The following THSD7B variants were observed in gnomAD, a reference collection of about 807,000 sequenced individuals.
The protein encoded by THSD7B is thrombospondin type 1 domain containing 7B, also known as thrombospondin type-1 domain-containing protein 7B.
Under a neutral mutation model 213.6 loss-of-function variants are expected in THSD7B, and 138 were observed. The ratio of observed to expected loss-of-function variants is 0.65; its 90% CI spans 0.56 to 0.74. The LOEUF is 0.74. THSD7B is among the 30% of genes least tolerant of loss of function. The pLI is 0.00. For synonymous variants in THSD7B, 742 were observed against 687.0 expected (o/e 1.08, Z -1.25); for missense variants, 1,931 against 1,991.5 (o/e 0.97, Z 0.58).
chr2:137,062,421 T>C (rs1687295256), intron 3 of THSD7B, among the ~76,000 whole-genome samples: 1 of 151,712 alleles, frequency 6.6e-6, no homozygotes, highest in African/African-American at 2.4e-5. Flanking sequence ...AGGTGGAAAC[T>C]TAGGTTACTC....
In THSD7B at chr2:136,981,533, C is replaced by A. The variant is rs867157164; in HGVS notation, c.140-74887C>A. Among the ~76,000 whole-genome samples the A allele has an allele frequency of 4.6e-5, 7 of 152,284 alleles. No homozygotes were observed. The South Asian group carries it at 1.5e-3, about 32-fold the overall frequency. ...TATTCTAGCCATCCCTCCCTCTGTGCTCTTTCTCTGAGGTGCTCTTAGACA... is the reference window on the plus strand; with the variant it reads ...TATTCTAGCCATCCCTCCCTCTGTGATCTTTCTCTGAGGTGCTCTTAGACA... On this transcript the variant is annotated intron_variant, in intron 2 of 27. Coordinates refer to ENST00000409968, the MANE Select transcript of THSD7B (RefSeq NM_001316349.2).
chr2:136,999,174 C>T (rs529663704), intron 2 of THSD7B, among the ~76,000 whole-genome samples: 53 of 152,162 alleles, frequency 3.5e-4, no homozygotes, highest in Middle Eastern at 3.4e-3. Flanking sequence ...ATTATAAACC[C>T]CAAGTAGATA....
At chr2:137,571,593 A>G (rs1238650845) in intron 16 of THSD7B, among the ~76,000 whole-genome samples, 1 of 152,176 alleles carries the variant, frequency 6.6e-6, no homozygotes, top group Non-Finnish European at 1.5e-5. Flanking sequence ...AGCTTTTGAT[A>G]TTTTCCATGT....
intron 2 of THSD7B, among the ~76,000 whole-genome samples, chr2:137,037,425 T>TATAC (rs1553466107): frequency 6.6e-6 from 1 of 151,882 alleles, no homozygotes; most frequent in Non-Finnish European, 1.5e-5. Flanking sequence ...TATATATATA[T>TATAC]ACACACACGC....
chr2:137,536,360 A>T (rs1680507569), intron 15 of THSD7B, among the ~76,000 whole-genome samples: 1 of 151,548 alleles, frequency 6.6e-6, no homozygotes, highest in Non-Finnish European at 1.5e-5. Flanking sequence ...GTTTAGGGTT[A>T]AAGAGAGGGA....
At chr2:137,307,380 T>C (rs997500359) in intron 12 of THSD7B, among the ~76,000 whole-genome samples, 2 of 151,806 alleles carry the variant, frequency 1.3e-5, no homozygotes, top group African/African-American at 4.8e-5. Context: ...TGGTGACACA[T>C]GGGAAAAGAA....
intron 14 of THSD7B, among the ~76,000 whole-genome samples, chr2:137,422,141 T>C (rs758481741): frequency 2.0e-5 from 3 of 151,858 alleles, no homozygotes; most frequent in African/African-American, 7.3e-5. Flanking sequence ...TTTCCTTGTG[T>C]GTAATATCTA....
intron 5 of THSD7B, among the ~76,000 whole-genome samples, chr2:137,158,952 A>G (rs1381211760): frequency 2.6e-5 from 4 of 152,192 alleles, no homozygotes; most frequent in Admixed American, 2.6e-4. Context: ...AAAAAACTCT[A>G]GATTGCTCCA....
chr2:137,295,877 A>G (rs1215760141), intron 12 of THSD7B, among the ~76,000 whole-genome samples: 1 of 152,128 alleles, frequency 6.6e-6, no homozygotes, highest in Non-Finnish European at 1.5e-5. Flanking sequence ...ACCTCAAAAC[A>G]TTTTATCTTC....
chr2:136,912,971 C>G (rs920861140), intron 2 of THSD7B, among the ~76,000 whole-genome samples: 1 of 152,142 alleles, frequency 6.6e-6, no homozygotes, highest in African/African-American at 2.4e-5. Context: ...AACTGAGTAA[C>G]AGACAGAGAT....
chr2:137,261,309 G>A (rs555429060), intron 10 of THSD7B, among the ~76,000 whole-genome samples: 2 of 152,252 alleles, frequency 1.3e-5, no homozygotes, highest in Admixed American at 6.5e-5. Flanking sequence ...AGGAAGTATA[G>A]GGGTCATCTA....
chr2:137,177,380 GAA>G (rs1320895088), intron 7 of THSD7B, among the ~76,000 whole-genome samples: 2 of 152,074 alleles, frequency 1.3e-5, no homozygotes, highest in Non-Finnish European at 2.9e-5. Flanking sequence ...TTCTGAAAAA[GAA>G]AAAGACAAAC....
intron 7 of THSD7B, among the ~76,000 whole-genome samples, chr2:137,193,966 A>T (rs1201425413): frequency 6.6e-6 from 1 of 151,746 alleles, no homozygotes; most frequent in Admixed American, 6.6e-5. Context: ...TGGTTTTCTC[A>T]TCTGGAAATT....
intron 2 of THSD7B, among the ~76,000 whole-genome samples, chr2:136,965,604 G>A (rs1462944716): frequency 6.6e-6 from 1 of 152,032 alleles, no homozygotes; most frequent in African/African-American, 2.4e-5. Context: ...TTTGTCAATG[G>A]CATTTCTAAG....
chr2:136,829,207 C>T (rs1221188712), intron 1 of THSD7B, among the ~76,000 whole-genome samples: 4 of 151,880 alleles, frequency 2.6e-5, no homozygotes, highest in Non-Finnish European at 5.9e-5. Context: ...CCAGAGTGCC[C>T]AGAATGCTTT....
chr2:136,945,458 T>C (rs1254657673), intron 2 of THSD7B, among the ~76,000 whole-genome samples: 1 of 152,214 alleles, frequency 6.6e-6, no homozygotes, highest in Non-Finnish European at 1.5e-5. Flanking sequence ...TTTGGGTTGC[T>C]CTTCTTGAGG....
intron 15 of THSD7B, among the ~76,000 whole-genome samples, chr2:137,532,244 G>A (rs1680411968): frequency 6.6e-6 from 1 of 151,832 alleles, no homozygotes; most frequent in Non-Finnish European, 1.5e-5. Context: ...TATTATGGTA[G>A]TTCTTCTGTA....
intron 1 of THSD7B, among the ~76,000 whole-genome samples, chr2:136,847,958 A>G (rs764077265): frequency 4.6e-5 from 7 of 152,136 alleles, no homozygotes; most frequent in Non-Finnish European, 1.0e-4. Flanking sequence ...TGTGCATTTA[A>G]AGGTTCCCCT....
chr2:137,282,065 GT>G (rs1314078878), intron 12 of THSD7B, among the ~76,000 whole-genome samples: 1 of 144,066 alleles, frequency 6.9e-6, no homozygotes, highest in East Asian at 2.2e-4. Flanking sequence ...TCCAGCACCT[GT>G]TGTTTCCTGA....
Sources: allele counts gnomAD v4.1 joint callset (sites outside exome capture counted in the v4.1 genomes callset), GRCh38; gene constraint gnomAD v4.1.1; transcripts MANE v1.5; gene names NCBI Gene and HGNC (gene_info 2026-07-23, HGNC 2026-07-21).